The following ADARB2 variants were observed in gnomAD, a reference collection of about 807,000 sequenced individuals.
ADARB2 encodes the protein adenosine deaminase RNA specific B2 (inactive).
A neutral mutation model predicts 62.2 loss-of-function variants in ADARB2; 25 were observed. That is an observed-to-expected ratio of 0.40 (90% confidence interval 0.29 to 0.56). The LOEUF (loss-of-function observed/expected upper bound fraction) is 0.56, where lower values mean the gene tolerates loss of function less well. ADARB2 is among the 20% of genes least tolerant of loss of function. The pLI is 0.43. For synonymous variants in ADARB2, 572 were observed against 500.8 expected, an observed-to-expected ratio of 1.14 and a Z score of -1.90; for missense variants, 1,071 against 1,077.4, an observed-to-expected ratio of 0.99 and a Z score of 0.08.
chr10:1,410,921 T>C (rs2131879171), intron 1 of ADARB2, among the ~76,000 whole-genome samples: 1 of 152,274 alleles, frequency 6.6e-6, no homozygotes, highest in Middle Eastern at 3.4e-3. Context: ...GGCCTCTCCC[T>C]CTCCCGAGCT....
intron 1 of ADARB2, among the ~76,000 whole-genome samples, chr10:1,629,611 C>T (rs995344314): frequency 6.7e-6 from 1 of 148,582 alleles, no homozygotes; most frequent in Non-Finnish European, 1.5e-5. Flanking sequence ...CGGGTGCTTC[C>T]GCTCTGGGTC....
intron 1 of ADARB2, among the ~76,000 whole-genome samples, chr10:1,421,819 G>A (rs1368107831): frequency 5.3e-5 from 8 of 152,194 alleles, no homozygotes; most frequent in African/African-American, 9.6e-5. Flanking sequence ...TAGAACACTC[G>A]GAGAGCTCCT....
chr10:1,698,342 C>A (rs1035872725), intron 1 of ADARB2, among the ~76,000 whole-genome samples: 2 of 152,208 alleles, frequency 1.3e-5, no homozygotes, highest in African/African-American at 2.4e-5. Context: ...GCCACTCTGA[C>A]CTTTGAGAGC....
At chr10:1,645,966 C>T (rs1228029946) in intron 1 of ADARB2, among the ~76,000 whole-genome samples, 2 of 152,166 alleles carry the variant, frequency 1.3e-5, no homozygotes, top group African/African-American at 4.8e-5. Flanking sequence ...AGCTCACCAT[C>T]CTGCAGACAT....
At chr10:1,729,409 C>G (rs1011366846) in intron 1 of ADARB2, among the ~76,000 whole-genome samples, 9 of 152,144 alleles carry the variant, frequency 5.9e-5, no homozygotes, top group Admixed American at 2.0e-4. Context: ...TGGCTATTTT[C>G]ACAGCTATAA....
intron 3 of ADARB2, among the ~76,000 whole-genome samples, chr10:1,319,873 C>G (rs1831780119): frequency 6.6e-6 from 1 of 152,152 alleles, no homozygotes; most frequent in Non-Finnish European, 1.5e-5. Flanking sequence ...TAAATATTTC[C>G]TTTGTATGGA....
chr10:1,270,791 T>G (rs955746043), intron 4 of ADARB2, among the ~76,000 whole-genome samples, 164 bp downstream of exon 4: 1 of 152,218 alleles, frequency 6.6e-6, no homozygotes, highest in Admixed American at 6.5e-5. Flanking sequence ...CTTTTCCTGC[T>G]AATATGCTCT....
intron 3 of ADARB2, among the ~76,000 whole-genome samples, chr10:1,302,564 C>A (rs1021589689): frequency 4.9e-4 from 75 of 152,310 alleles, no homozygotes; most frequent in African/African-American, 1.7e-3. Flanking sequence ...TAGGCTCCAC[C>A]TCTGGGGGCA....
chr10:1,694,836 G>C (rs1834718714), intron 1 of ADARB2, among the ~76,000 whole-genome samples: 1 of 152,142 alleles, frequency 6.6e-6, no homozygotes, highest in Non-Finnish European at 1.5e-5. Context: ...CTGGGAGTGG[G>C]GTCTTCATGA....
chr10:1,653,002 C>CTA (rs1464531320), intron 1 of ADARB2, among the ~76,000 whole-genome samples: 1 of 152,208 alleles, frequency 6.6e-6, no homozygotes, highest in Non-Finnish European at 1.5e-5. Flanking sequence ...GGCCTCCTCC[C>CTA]CCCTGGGATC....
chr10:1,723,630 A>G (rs1280273635), intron 1 of ADARB2, among the ~76,000 whole-genome samples: 1 of 152,168 alleles, frequency 6.6e-6, no homozygotes, highest in South Asian at 2.1e-4. Context: ...TCCGCTTGCC[A>G]CCTGCACAGG....
intron 1 of ADARB2, among the ~76,000 whole-genome samples, chr10:1,402,727 G>A (rs1402356453): frequency 6.6e-6 from 1 of 152,070 alleles, no homozygotes; most frequent in South Asian, 2.1e-4. Flanking sequence ...AGCTTCCTGA[G>A]TGGATGAGGC....
rs143914218 is a variant in ADARB2, at chr10:1,363,730, C to A, written c.375G>T (p.Ala125=). 6.2e-7 allele frequency: 1 copy of A among 1,609,902 alleles called. No individual in the cohort carries two copies. Among genetic ancestry groups the A allele is most frequent in the Non-Finnish European group, 8.5e-7 (1 of 1,179,496 alleles). Residue 125 remains alanine (A), a synonymous_variant, in exon 3 of 10, where the codon GCG becomes GCT. Transcript: ENST00000381312. ...GCAGCTGCACCAGCGCGTTCTTGGG[C>A]GCCACCGACCACGACAGCTTCTTCC... ...LVWKKLSWSV[A]PKNALVQLHE...
At chr10:1,318,852 CGTG>C (rs1831769502) in intron 3 of ADARB2, among the ~76,000 whole-genome samples, 1 of 152,114 alleles carries the variant, frequency 6.6e-6, no homozygotes, top group African/African-American at 2.4e-5. Flanking sequence ...CACAAATTCC[CGTG>C]GTGGGTAAAG....
intron 8 of ADARB2, among the ~76,000 whole-genome samples, chr10:1,189,116 T>C (rs2131735943): frequency 6.6e-6 from 1 of 152,264 alleles, no homozygotes; most frequent in Middle Eastern, 3.4e-3. Flanking sequence ...CTGGGATGTC[T>C]CCTGAGGACA....
intron 1 of ADARB2, among the ~76,000 whole-genome samples, chr10:1,624,713 T>C (rs895308106): frequency 2.0e-5 from 3 of 152,220 alleles, no homozygotes; most frequent in African/African-American, 7.2e-5. Flanking sequence ...AATTAATAGT[T>C]ATGTACTACT....
chr10:1,637,288 G>A lies in ADARB2; in HGVS notation c.100+99763C>T, dbSNP rs146113369. Among the ~76,000 whole-genome samples, 5 of 152,266 alleles carry A rather than the reference G, an allele frequency of 3.3e-5. 1 individual carries two copies. The highest frequency in any genetic ancestry group is 2.6e-4 in the Admixed American group (4 of 15,298). On this transcript the variant is annotated intron_variant, in intron 1 of 9. Transcript: ENST00000381312. ...TTTAAATTCCACACCTTGCCAGCTC[G>A]GAGTGGGAAGGAAGGAGCAGCGTTG...
intron 1 of ADARB2, among the ~76,000 whole-genome samples, chr10:1,702,821 C>T (rs1338047875): frequency 4.6e-5 from 7 of 152,124 alleles, no homozygotes; most frequent in African/African-American, 7.2e-5. Context: ...TCACCACATG[C>T]GATGATGAGT....
intron 3 of ADARB2, among the ~76,000 whole-genome samples, chr10:1,275,062 G>A (rs1406243566): frequency 6.6e-6 from 1 of 152,224 alleles, no homozygotes; most frequent in East Asian, 1.9e-4. Context: ...CTCCCACTAT[G>A]AACCAAGCAG....
Sources: allele counts gnomAD v4.1 joint callset (sites outside exome capture counted in the v4.1 genomes callset), GRCh38; gene constraint gnomAD v4.1.1; transcripts MANE v1.5; gene names NCBI Gene and HGNC (gene_info 2026-07-23, HGNC 2026-07-21).